The following SH3BGRL2 variants were observed in gnomAD, a reference collection of about 807,000 sequenced individuals.
SH3BGRL2 encodes SH3 domain-binding glutamic acid-rich-like protein 2.
Under a neutral mutation model 14.8 loss-of-function variants are expected in SH3BGRL2, and 21 were observed. The observed-to-expected ratio is 1.42, with a 90% confidence interval of 1.01 to 2.05. The LOEUF is 2.05. Among genes scored for constraint, SH3BGRL2 ranks in the 30% most tolerant of loss-of-function variants. The pLI, the probability that SH3BGRL2 is intolerant of heterozygous loss-of-function variation, is 0.00. For missense variants in SH3BGRL2, 147 were observed against 130.8 expected, an observed-to-expected ratio of 1.12 and a Z score of -0.61; for synonymous variants, 50 against 47.8, an observed-to-expected ratio of 1.05 and a Z score of -0.19.
the SH3BGRL2 span, among the ~76,000 whole-genome samples, chr6:79,540,672 T>TA: frequency 6.6e-6 from 1 of 152,126 alleles, no homozygotes; most frequent in African/African-American, 2.4e-5. Flanking sequence ...GAGATGTTTG[T>TA]AAAAATGTGT....
At chr6:79,550,049 A>T in the SH3BGRL2 span, among the ~76,000 whole-genome samples, 2 of 152,168 alleles carry the variant, frequency 1.3e-5, no homozygotes, top group African/African-American at 4.8e-5. Flanking sequence ...AGTAAGAATT[A>T]TGGACCAAAA....
intron 1 of SH3BGRL2, among the ~76,000 whole-genome samples, chr6:79,647,657 A>G (rs867240905): frequency 1.7e-4 from 26 of 152,280 alleles, no homozygotes; most frequent in Admixed American, 2.0e-4. Flanking sequence ...GAAGGCAGGT[A>G]TATCTAGTTG....
chr6:79,600,949 C>G, the SH3BGRL2 span, among the ~76,000 whole-genome samples: 1 of 152,144 alleles, frequency 6.6e-6, no homozygotes, highest in Non-Finnish European at 1.5e-5. Flanking sequence ...GCTTCTTTTT[C>G]TAGCCATGAT....
intron 1 of SH3BGRL2, among the ~76,000 whole-genome samples, chr6:79,641,576 T>G (rs531283626): frequency 1.6e-4 from 25 of 152,218 alleles, no homozygotes; most frequent in South Asian, 8.3e-4. Flanking sequence ...GCCTCTTCAT[T>G]TGTGTAAGTG....
intron 1 of SH3BGRL2, among the ~76,000 whole-genome samples, chr6:79,668,338 G>C (rs1274887398): frequency 6.6e-6 from 1 of 152,138 alleles, no homozygotes; most frequent in African/African-American, 2.4e-5. Flanking sequence ...CTAGGAGCCA[G>C]GAGGTTGCCA....
chr6:79,698,048 G>A (rs1203993111), intron 3 of SH3BGRL2, among the ~76,000 whole-genome samples: 1 of 152,170 alleles, frequency 6.6e-6, no homozygotes, highest in Non-Finnish European at 1.5e-5. Flanking sequence ...TATTAAAGTT[G>A]ATCTTGGTGT....
chr6:79,595,139 A>G, the SH3BGRL2 span, among the ~76,000 whole-genome samples: 7 of 152,190 alleles, frequency 4.6e-5, no homozygotes. Flanking sequence ...TACAAAAATT[A>G]GCTGGGCATA....
the SH3BGRL2 span, among the ~76,000 whole-genome samples, chr6:79,608,779 A>G: frequency 6.6e-6 from 1 of 152,206 alleles, no homozygotes; most frequent in Non-Finnish European, 1.5e-5. Context: ...CTGAAACTAC[A>G]CATGTCCCAC....
At chr6:79,609,582 C>T in the SH3BGRL2 span, among the ~76,000 whole-genome samples, 1,081 of 152,182 alleles carry the variant, frequency 7.1e-3, 14 homozygotes, top group African/African-American at 0.024. Context: ...CAGAACTATC[C>T]GAGTTCTGTT....
At chr6:79,625,041 C>T in the SH3BGRL2 span, among the ~76,000 whole-genome samples, 6 of 151,844 alleles carry the variant, frequency 4.0e-5, no homozygotes, top group Admixed American at 6.6e-5. Context: ...GGTGTGGTGG[C>T]GCATGCTTGT....
At chr6:79,656,164 C>T (rs1045808646) in intron 1 of SH3BGRL2, among the ~76,000 whole-genome samples, 2 of 152,152 alleles carry the variant, frequency 1.3e-5, no homozygotes, top group African/African-American at 4.8e-5. Context: ...ATGTAGGAAG[C>T]TCTAGAGGAG....
At chr6:79,538,395 C>A in the SH3BGRL2 span, among the ~76,000 whole-genome samples, 1 of 152,162 alleles carries the variant, frequency 6.6e-6, no homozygotes, top group African/African-American at 2.4e-5. Flanking sequence ...TCAAAGCTTT[C>A]ATTTTATCCT....
chr6:79,600,975 A>G, the SH3BGRL2 span, among the ~76,000 whole-genome samples: 49 of 152,224 alleles, frequency 3.2e-4, no homozygotes, highest in African/African-American at 1.1e-3. Flanking sequence ...AAATCATCTC[A>G]GGAGTCCCCC....
chr6:79,693,243 G>T (rs1202496252), intron 2 of SH3BGRL2, among the ~76,000 whole-genome samples: 11 of 152,058 alleles, frequency 7.2e-5, no homozygotes, highest in East Asian at 1.9e-4. Flanking sequence ...CTTATCAGCT[G>T]AAGGAGATTT....
the SH3BGRL2 span, chr6:79,574,506 C>T: frequency 6.6e-6 from 1 of 152,114 alleles, no homozygotes; most frequent in Non-Finnish European, 1.5e-5. Flanking sequence ...GTCTAGGAAA[C>T]ATTTTTGGGG....
the SH3BGRL2 span, among the ~76,000 whole-genome samples, chr6:79,596,008 A>G: frequency 2.2e-4 from 33 of 152,360 alleles, no homozygotes; most frequent in South Asian, 6.6e-3. Context: ...ACAAAAATCA[A>G]TTGGATTTAT....
At chr6:79,580,942 A>T in the SH3BGRL2 span, among the ~76,000 whole-genome samples, 1 of 152,232 alleles carries the variant, frequency 6.6e-6, no homozygotes, top group East Asian at 1.9e-4. Context: ...TGCAGTAAAA[A>T]ATGATAAATG....
the SH3BGRL2 span, among the ~76,000 whole-genome samples, chr6:79,597,306 A>G: frequency 6.7e-6 from 1 of 148,382 alleles, no homozygotes; most frequent in Admixed American, 6.7e-5. Context: ...AAGAGAGAGA[A>G]AAGAAAGAAA....
At chr6:79,582,860 G>T in the SH3BGRL2 span, among the ~76,000 whole-genome samples, 79 of 152,236 alleles carry the variant, frequency 5.2e-4, no homozygotes, top group Middle Eastern at 3.4e-3. Context: ...CCTACAGAAT[G>T]GGAGAAAATT....
Sources: allele counts gnomAD v4.1 joint callset (sites outside exome capture counted in the v4.1 genomes callset), GRCh38; gene constraint gnomAD v4.1.1; transcripts MANE v1.5; gene names NCBI Gene and HGNC (gene_info 2026-07-23, HGNC 2026-07-21).